STK39: variants seen among roughly 807,000 people sequenced by gnomAD.
STK39 encodes the protein STE20/SPS1-related proline-alanine-rich protein kinase.
In STK39, 20 loss-of-function variants were observed where a neutral mutation model predicts 77.8. That is an observed-to-expected ratio of 0.26 (90% CI 0.18 to 0.37). The LOEUF (loss-of-function observed/expected upper bound fraction) is 0.37, where lower values mean the gene tolerates loss of function less well. STK39 is among the 10% of genes least tolerant of loss of function. The pLI is 1.00. For missense variants in STK39, 479 were observed against 656.5 expected, an observed-to-expected ratio of 0.73 and a Z score of 2.95; for synonymous variants, 246 against 234.1, an observed-to-expected ratio of 1.05 and a Z score of -0.47.
chr2:167,973,723 T>A (rs1352222406), intron 16 of STK39, among the ~76,000 whole-genome samples: 1 of 152,216 alleles, frequency 6.6e-6, no homozygotes, highest in East Asian at 1.9e-4. Context: ...TGCAAATTTT[T>A]GCCTAATTTA....
intron 14 of STK39, among the ~76,000 whole-genome samples, chr2:168,018,478 G>A (rs1217391973): frequency 6.7e-6 from 1 of 148,572 alleles, no homozygotes; most frequent in Non-Finnish European, 1.5e-5. Flanking sequence ...GGGTGGCAGA[G>A]CAAGAGTTCA....
intron 1 of STK39, among the ~76,000 whole-genome samples, chr2:168,195,637 G>A (rs1689449603): frequency 6.6e-6 from 1 of 152,190 alleles, no homozygotes; most frequent in Non-Finnish European, 1.5e-5. Context: ...GTGTCAATTA[G>A]CTGCACTTTG....
intron 1 of STK39, among the ~76,000 whole-genome samples, chr2:168,195,314 C>T (rs1045513919): frequency 1.4e-4 from 22 of 152,102 alleles, no homozygotes; most frequent in African/African-American, 5.3e-4. Context: ...GTGGGAAGAT[C>T]GCTTGAGCAG....
intron 16 of STK39, among the ~76,000 whole-genome samples, chr2:167,994,733 A>T (rs899936655): frequency 6.6e-6 from 1 of 152,214 alleles, no homozygotes; most frequent in South Asian, 2.1e-4. Flanking sequence ...CACTTAGCAT[A>T]ATGCTTTCGA....
At chr2:168,118,446 G>A (rs918319199) in intron 10 of STK39, among the ~76,000 whole-genome samples, 1 of 151,938 alleles carries the variant, frequency 6.6e-6, no homozygotes, top group Admixed American at 6.6e-5. Context: ...CCAAGTCTGT[G>A]AAAGTTTACA....
intron 15 of STK39, among the ~76,000 whole-genome samples, chr2:168,012,938 C>A (rs547540304): frequency 6.6e-6 from 1 of 152,138 alleles, no homozygotes; most frequent in Non-Finnish European, 1.5e-5. Flanking sequence ...CTATTTTTGG[C>A]GAACTAAAAA....
Position 167,977,476 on chromosome 2 carries a change from C to T in STK39, c.1499-12750G>A, listed in dbSNP as rs116178572. On this transcript the variant is annotated intron_variant, in intron 16 of 17. Transcript: ENST00000355999. Reference sequence around the variant, plus strand: ...GATGAAGAAAGTAGAAATAACAATGCTGTATGGAAAATGGCTAAACTTGAA... The same window carrying T: ...GATGAAGAAAGTAGAAATAACAATGTTGTATGGAAAATGGCTAAACTTGAA... 8.7e-3 allele frequency among the ~76,000 whole-genome samples: 1,312 copies of T among 151,226 alleles called. 17 individuals are homozygous for T. The highest frequency in any genetic ancestry group is 0.03 in the African/African-American group (1,245 of 41,138).
intron 1 of STK39, among the ~76,000 whole-genome samples, chr2:168,210,995 GGTGAGTA>G (rs781543953): frequency 5.3e-4 from 80 of 152,208 alleles, no homozygotes; most frequent in Non-Finnish European, 9.9e-4. Context: ...AAATTTCAAT[GGTGAGTA>G]GTCATTATAT....
chr2:168,025,552 T>C (rs1210588926), intron 14 of STK39, among the ~76,000 whole-genome samples: 1 of 152,206 alleles, frequency 6.6e-6, no homozygotes, highest in African/African-American at 2.4e-5. Context: ...TGCACTCACA[T>C]ATACACACGT....
chr2:168,097,633 G>A (rs1173443721), intron 10 of STK39, among the ~76,000 whole-genome samples: 1 of 152,054 alleles, frequency 6.6e-6, no homozygotes, highest in African/African-American at 2.4e-5. Flanking sequence ...TACTCAGAAG[G>A]CTCAGGTGGG....
At chr2:167,983,674 G>A (rs1021300161) in intron 16 of STK39, among the ~76,000 whole-genome samples, 10 of 152,012 alleles carry the variant, frequency 6.6e-5, no homozygotes, top group South Asian at 2.1e-4. Flanking sequence ...ATCCTTACCC[G>A]TCCCTTCTGC....
Position 168,247,498 on chromosome 2 carries a change from C to A in STK39, c.-63G>T. On this transcript the variant is annotated 5_prime_UTR_variant, in exon 1 of 18. In the 5' UTR this introduces an upstream ATG that the reference lacks. Transcript: ENST00000355999. ...CGGACGACCTTCCACTTGAAACTTC[C>A]TTTGCCTCGCCGCCGACACCTCTCG... The A allele has an allele frequency of 8.3e-7, 1 of 1,211,970 alleles. No individual in the cohort carries two copies. Among genetic ancestry groups the A allele is most frequent in the Non-Finnish European group, 1.0e-6 (1 of 960,342 alleles). 75.1% of individuals were successfully genotyped at this position (1,211,970 alleles called of 1,614,324 possible).
intron 14 of STK39, among the ~76,000 whole-genome samples, chr2:168,028,259 T>C (rs992363023): frequency 3.3e-5 from 5 of 152,202 alleles, no homozygotes; most frequent in Non-Finnish European, 7.3e-5. Flanking sequence ...ATTTTAAAAA[T>C]GGTAATATTT....
chr2:168,126,467 A>T (rs1687544527), intron 10 of STK39, among the ~76,000 whole-genome samples: 2 of 152,184 alleles, frequency 1.3e-5, no homozygotes, highest in South Asian at 4.1e-4. Flanking sequence ...GGGTGATTAA[A>T]ATCACATTTA....
At chr2:168,110,143 T>G (rs1023509317) in intron 10 of STK39, among the ~76,000 whole-genome samples, 1 of 152,222 alleles carries the variant, frequency 6.6e-6, no homozygotes, top group African/African-American at 2.4e-5. Context: ...ATCTAAACGA[T>G]TTAAAGTTTT....
intron 16 of STK39, among the ~76,000 whole-genome samples, chr2:167,992,890 C>T (rs1299547750): frequency 2.0e-5 from 3 of 152,086 alleles, no homozygotes; most frequent in Admixed American, 6.5e-5. Context: ...ATACATAATC[C>T]AAAATAAAAT....
Position 168,247,538 on chromosome 2 carries a change from TC to T in STK39, c.-104del. The T allele has an allele frequency of 2.8e-6, 1 of 357,884 alleles. No homozygotes were observed. 22.2% of individuals were successfully genotyped at this position (357,884 alleles called of 1,614,324 possible). On this transcript the variant is annotated 5_prime_UTR_variant, in exon 1 of 18. Coordinates refer to ENST00000355999, the MANE Select transcript of STK39 (RefSeq NM_013233.3). The stretch of plus-strand genomic sequence containing the variant: ...GACACCTCTCGGCCGGCGCACGCCC[TC>T]CCCGCCCGCCGCCGCCGCCGCCGTC...
chr2:168,167,035 C>T (rs1048657673), intron 3 of STK39, among the ~76,000 whole-genome samples: 3 of 152,042 alleles, frequency 2.0e-5, no homozygotes, highest in Non-Finnish European at 2.9e-5. Context: ...TAATACATTC[C>T]GGGGGCTGCC....
chr2:168,128,732 C>G (rs1281230374), intron 10 of STK39, among the ~76,000 whole-genome samples: 2 of 152,192 alleles, frequency 1.3e-5, no homozygotes, highest in African/African-American at 2.4e-5. Flanking sequence ...GAGATACAAT[C>G]CCTAAAGCAC....
Sources: allele counts gnomAD v4.1 joint callset (sites outside exome capture counted in the v4.1 genomes callset), GRCh38; gene constraint gnomAD v4.1.1; transcripts MANE v1.5; gene names NCBI Gene and HGNC (gene_info 2026-07-23, HGNC 2026-07-21).